PTPRK: variants seen among roughly 807,000 people sequenced by gnomAD.
PTPRK encodes the protein receptor-type tyrosine-protein phosphatase kappa.
In PTPRK, 75 loss-of-function variants were observed where a neutral mutation model predicts 178.0. The ratio of observed to expected loss-of-function variants is 0.42; its 90% CI spans 0.35 to 0.51. PTPRK has a LOEUF of 0.51. Ranked by LOEUF, PTPRK falls within the 20% of genes least tolerant of loss-of-function variation. The pLI is 0.02. For missense variants in PTPRK, 1,441 were observed against 1,797.8 expected, an observed-to-expected ratio of 0.80 and a Z score of 3.59; for synonymous variants, 637 against 620.6, an observed-to-expected ratio of 1.03 and a Z score of -0.39.
At chr6:128,255,267 G>T (rs1296822293) in intron 3 of PTPRK, among the ~76,000 whole-genome samples, 1 of 152,210 alleles carries the variant, frequency 6.6e-6, no homozygotes, top group Non-Finnish European at 1.5e-5. Flanking sequence ...GGGATAACAG[G>T]CGTGAGCCAC....
At chr6:128,249,371 G>A (rs774339762) in intron 3 of PTPRK, among the ~76,000 whole-genome samples, 1 of 148,724 alleles carries the variant, frequency 6.7e-6, no homozygotes, top group East Asian at 2.0e-4. Flanking sequence ...AGTCAGTAAA[G>A]AGTTTATGGA....
chr6:128,027,825 C>G (rs960255778), intron 13 of PTPRK: 1 of 152,330 alleles, frequency 6.6e-6, no homozygotes, highest in Non-Finnish European at 1.5e-5. Context: ...CTCCTGGCCT[C>G]AAGTGATCCG....
intron 1 of PTPRK, among the ~76,000 whole-genome samples, chr6:128,487,259 A>G (rs566212916): frequency 6.7e-6 from 1 of 149,542 alleles, no homozygotes; most frequent in African/African-American, 2.5e-5. Flanking sequence ...CCTCCTGGAT[A>G]AAAGAAGGCA....
chr6:128,058,794 T>C (rs1316576099), intron 13 of PTPRK, among the ~76,000 whole-genome samples: 3 of 152,028 alleles, frequency 2.0e-5, no homozygotes, highest in East Asian at 1.9e-4. Flanking sequence ...TCATAAAATA[T>C]GTTCTATATT....
intron 3 of PTPRK, among the ~76,000 whole-genome samples, chr6:128,273,445 T>C (rs1341610712): frequency 6.6e-6 from 1 of 152,180 alleles, no homozygotes; most frequent in East Asian, 1.9e-4. Flanking sequence ...TGCAAAGTCC[T>C]ATACCCATTC....
At chr6:128,066,919 G>A (rs1781877006) in intron 12 of PTPRK, among the ~76,000 whole-genome samples, 1 of 152,120 alleles carries the variant, frequency 6.6e-6, no homozygotes, top group African/African-American at 2.4e-5. Context: ...GGGAAAAGGA[G>A]GGGCAACCAG....
intron 5 of PTPRK, among the ~76,000 whole-genome samples, chr6:128,220,568 G>A (rs1028769198): frequency 6.6e-6 from 1 of 152,120 alleles, no homozygotes; most frequent in African/African-American, 2.4e-5. Context: ...AACTGCTAGA[G>A]TGACTTTAGA....
intron 16 of PTPRK, 48 bp downstream of exon 16, chr6:127,998,672 G>A (rs139148199): frequency 2.1e-6 from 3 of 1,461,864 alleles, no homozygotes; most frequent in African/African-American, 1.4e-5. Flanking sequence ...ATTCCACTGA[G>A]TATCATAGTT....
chr6:128,238,784 A>G (rs1186436718), intron 5 of PTPRK, among the ~76,000 whole-genome samples: 1 of 152,102 alleles, frequency 6.6e-6, no homozygotes, highest in East Asian at 1.9e-4. Flanking sequence ...ATAATCACAG[A>G]AAAAAGGGAC....
At chr6:128,485,682 T>C (rs939160593) in intron 1 of PTPRK, among the ~76,000 whole-genome samples, 1 of 152,152 alleles carries the variant, frequency 6.6e-6, no homozygotes, top group African/African-American at 2.4e-5. Context: ...GTAGCTCTTC[T>C]AAGGGGACCA....
chr6:128,495,099 CA>C (rs1562639116), intron 1 of PTPRK, among the ~76,000 whole-genome samples: 2 of 152,244 alleles, frequency 1.3e-5, no homozygotes, highest in East Asian at 3.9e-4. Flanking sequence ...CAATTTAAAA[CA>C]AACTGTGTGG....
At chr6:127,990,694 C>T (rs112228067) in intron 21 of PTPRK, 75 bp downstream of exon 21, 24 of 945,802 alleles carry the variant, frequency 2.5e-5, no homozygotes, top group African/African-American at 2.5e-4. Context: ...ATCATCAAAA[C>T]AGAACTTGGC....
intron 2 of PTPRK, among the ~76,000 whole-genome samples, chr6:128,346,964 G>T (rs1054419583): frequency 1.3e-5 from 2 of 152,092 alleles, no homozygotes; most frequent in Non-Finnish European, 2.9e-5. Context: ...TACTTTAACT[G>T]ATTAAAATGC....
Position 128,082,524 on chromosome 6 carries a change from C to T in PTPRK, c.1690G>A (p.Gly564Arg). Residue 564 changes from glycine (G) to arginine (R), a missense_variant, in exon 10 of 30, where the codon GGA (glycine) becomes AGA (arginine). By Grantham distance (125) the Gly-to-Arg change is moderately radical. Around this residue, in one of 4 missense-constraint regions of PTPRK, gnomAD observed 945 missense variants for 1,080.6 expected, o/e 0.87. Coordinates refer to ENST00000368226, the MANE Select transcript of PTPRK (RefSeq NM_002844.4). ...THHVFMHLHP[G>R]TTYQFFIRAS... is the part of the protein sequence containing the mutation. ...CTTATGAAAAACTGGTACGTGGTTC[C>T]AGGGTGGAGATGCATAAAGACATGG... 3 of 1,613,348 alleles carry T rather than the reference C, an allele frequency of 1.9e-6. No individual in the cohort carries two copies. Among genetic ancestry groups the T allele is most frequent in the Non-Finnish European group, 2.5e-6 (3 of 1,179,484 alleles).
chr6:128,306,608 A>G (rs1826417245), intron 3 of PTPRK, among the ~76,000 whole-genome samples: 1 of 152,100 alleles, frequency 6.6e-6, no homozygotes, highest in African/African-American at 2.4e-5. Context: ...AGCTTGGTCA[A>G]CATAGGCAGA....
chr6:128,266,272 A>G (rs375422936), intron 3 of PTPRK, among the ~76,000 whole-genome samples: 1 of 152,120 alleles, frequency 6.6e-6, no homozygotes, highest in African/African-American at 2.4e-5. Flanking sequence ...AGTAAGTGCT[A>G]TTGCTTGAAC....
chr6:128,123,896 G>A (rs1374230781), intron 7 of PTPRK, among the ~76,000 whole-genome samples: 2 of 151,982 alleles, frequency 1.3e-5, no homozygotes, highest in East Asian at 3.9e-4. Context: ...AAACCAGAGA[G>A]GTAAAGTGCC....
rs1271645987 is a variant in PTPRK, at chr6:128,055,242, G to A, written c.2194+9516C>T. ...CTTTTTCCAGTAAACAGCCCTCAAA[G>A]CACTTTCTAAAGGACTCAAAGAATA... On this transcript the variant is annotated intron_variant, in intron 13 of 29. Coordinates refer to ENST00000368226, the MANE Select transcript of PTPRK (RefSeq NM_002844.4). Among the ~76,000 whole-genome samples, 5 of 152,134 alleles carry A rather than the reference G, an allele frequency of 3.3e-5. No individual in the cohort carries two copies. In the East Asian group the frequency reaches 9.7e-4, roughly 29 times the overall value.
chr6:128,409,866 C>T (rs1487667392), intron 1 of PTPRK, among the ~76,000 whole-genome samples: 1 of 152,148 alleles, frequency 6.6e-6, no homozygotes, highest in Non-Finnish European at 1.5e-5. Context: ...GCCTCCCCAG[C>T]CATGTGGAAC....
Sources: allele counts gnomAD v4.1 joint callset (sites outside exome capture counted in the v4.1 genomes callset), GRCh38; gene constraint gnomAD v4.1.1; regional missense constraint gnomAD v4.1.1; transcripts MANE v1.5; gene names NCBI Gene and HGNC (gene_info 2026-07-23, HGNC 2026-07-21).